The following ASB3 variants were observed in gnomAD, a reference collection of about 807,000 sequenced individuals.
The protein encoded by ASB3 is ankyrin repeat and SOCS box protein 3.
A neutral mutation model predicts 54.5 loss-of-function variants in ASB3; 41 were observed. The observed-to-expected ratio is 0.75, with a 90% CI of 0.59 to 0.98. The LOEUF is 0.98. Among genes scored for constraint, ASB3 ranks in the 50% least tolerant of loss-of-function variants. The pLI is 0.00. For missense variants in ASB3, 733 were observed against 620.0 expected, an observed-to-expected ratio of 1.18 and a Z score of -1.94; for synonymous variants, 266 against 221.2, an observed-to-expected ratio of 1.20 and a Z score of -1.80.
At chr2:53,747,695 A>G (rs1162196674) in intron 3 of ASB3, among the ~76,000 whole-genome samples, 1 of 152,200 alleles carries the variant, frequency 6.6e-6, no homozygotes, top group East Asian at 1.9e-4. Context: ...ACAACAGTGA[A>G]CAAGATGAAT....
chr2:53,763,101 A>AG (rs1371833724), intron 2 of ASB3, among the ~76,000 whole-genome samples: 3 of 152,218 alleles, frequency 2.0e-5, no homozygotes, highest in African/African-American at 4.8e-5. Flanking sequence ...AATAAAAGAC[A>AG]GCAGGTGTGA....
At chr2:53,760,220 T>C (rs917448232) in intron 2 of ASB3, among the ~76,000 whole-genome samples, 1 of 152,194 alleles carries the variant, frequency 6.6e-6, no homozygotes, top group Non-Finnish European at 1.5e-5. Flanking sequence ...ATAAAGACTC[T>C]AAGTATGCTT....
chr2:53,695,628 G>GT (rs1669142130), intron 8 of ASB3, among the ~76,000 whole-genome samples: 1 of 151,522 alleles, frequency 6.6e-6, no homozygotes, highest in Non-Finnish European at 1.5e-5. Flanking sequence ...TAATATAACG[G>GT]TGAGTTTATT....
intron 3 of ASB3, among the ~76,000 whole-genome samples, chr2:53,730,902 G>C (rs1357567374): frequency 6.6e-6 from 1 of 151,994 alleles, no homozygotes; most frequent in African/African-American, 2.4e-5. Context: ...AAATTAGAAA[G>C]GCACATTTGG....
chr2:53,695,688 A>G (rs3770403), intron 8 of ASB3, among the ~76,000 whole-genome samples: 1 of 151,872 alleles, frequency 6.6e-6, no homozygotes, highest in Non-Finnish European at 1.5e-5. Context: ...TTTACTACAG[A>G]GACCATTACA....
intron 7 of ASB3, among the ~76,000 whole-genome samples, chr2:53,706,277 C>T (rs1669763716): frequency 6.6e-6 from 1 of 152,122 alleles, no homozygotes. Context: ...AATAAATATG[C>T]TAATCTGATA....
At chr2:53,741,084 A>G (rs1314778167) in intron 3 of ASB3, among the ~76,000 whole-genome samples, 3 of 152,210 alleles carry the variant, frequency 2.0e-5, no homozygotes, top group African/African-American at 7.2e-5. Context: ...ACCCATACTA[A>G]GGCTTAGAGA....
chr2:53,770,028 C>G (rs1208020573), intron 1 of ASB3, among the ~76,000 whole-genome samples: 3 of 152,182 alleles, frequency 2.0e-5, no homozygotes, highest in African/African-American at 7.2e-5. Flanking sequence ...CCACAGCACA[C>G]AGTAGCTATG....
chr2:53,753,245 C>T (rs188802034), intron 2 of ASB3, among the ~76,000 whole-genome samples: 11 of 152,274 alleles, frequency 7.2e-5, no homozygotes, highest in African/African-American at 2.6e-4. Flanking sequence ...AAGAACTGCA[C>T]ATAAACACTA....
chr2:53,680,985 T>C (rs1429156285), intron 9 of ASB3, among the ~76,000 whole-genome samples: 2 of 152,224 alleles, frequency 1.3e-5, no homozygotes, highest in Non-Finnish European at 2.9e-5. Flanking sequence ...ATGCTAAGTT[T>C]GTCTTTCTGT....
At position 53,729,518 on chromosome 2, in the gene ASB3, T is replaced by A. The variant is rs565548762; in HGVS notation, c.408A>T (p.Ala136=). ...DVLRLLLQHG[A]NVNGSHSMCG... is the part of the protein sequence containing the mutation. ...ACATAGAATGGGATCCATTAACATTTGCTCCGTGTTGAAGCAACAGCCTTA... is the reference window on the plus strand; with the variant it reads ...ACATAGAATGGGATCCATTAACATTAGCTCCGTGTTGAAGCAACAGCCTTA... The change falls in exon 4 of 10, where the codon GCA becomes GCT. Residue 136 remains alanine (A), a synonymous_variant. Transcript: ENST00000263634. 1 of 1,613,952 alleles carries A rather than the reference T, an allele frequency of 6.2e-7. No individual in the cohort carries two copies. The highest frequency in any genetic ancestry group is 1.3e-5 in the African/African-American group (1 of 75,038).
intron 2 of ASB3, among the ~76,000 whole-genome samples, chr2:53,751,343 T>A (rs1249177101): frequency 6.6e-6 from 1 of 152,214 alleles, no homozygotes; most frequent in Admixed American, 6.5e-5. Context: ...GGAAATGGTC[T>A]GATCTCTTAC....
intron 5 of ASB3, among the ~76,000 whole-genome samples, chr2:53,727,370 A>T (rs1460643809): frequency 6.6e-6 from 1 of 152,154 alleles, no homozygotes; most frequent in Non-Finnish European, 1.5e-5. Flanking sequence ...AAACTGGATT[A>T]TTGGGCAGGC....
chr2:53,717,493 A>G (rs965348841), intron 5 of ASB3, among the ~76,000 whole-genome samples: 1 of 152,184 alleles, frequency 6.6e-6, no homozygotes, highest in Non-Finnish European at 1.5e-5. Flanking sequence ...CATAAATGTG[A>G]AAGGGAAAAA....
chr2:53,672,817 T>G (rs954234155), intron 9 of ASB3, among the ~76,000 whole-genome samples: 1 of 152,220 alleles, frequency 6.6e-6, no homozygotes, highest in Non-Finnish European at 1.5e-5. Context: ...CAGGTTTTTT[T>G]GCTTTCAGTT....
chr2:53,687,869 A>C (rs1668712315), intron 9 of ASB3, among the ~76,000 whole-genome samples: 1 of 152,164 alleles, frequency 6.6e-6, no homozygotes, highest in African/African-American at 2.4e-5. Context: ...AGGCTGGAGT[A>C]CAATGGCATG....
chr2:53,706,124 T>C (rs557356872), intron 7 of ASB3, among the ~76,000 whole-genome samples: 3 of 152,326 alleles, frequency 2.0e-5, no homozygotes. Flanking sequence ...CTATCCCTAT[T>C]TTAAAGATAA....
At chr2:53,696,514 T>C (rs897250057) in intron 8 of ASB3, among the ~76,000 whole-genome samples, 2 of 152,076 alleles carry the variant, frequency 1.3e-5, no homozygotes, top group African/African-American at 4.8e-5. Flanking sequence ...GAAAGGAAAA[T>C]AGGCAATGTT....
chr2:53,774,020 C>T (rs1309780793), intron 1 of ASB3: 14 of 1,118,704 alleles, frequency 1.3e-5, no homozygotes, highest in Non-Finnish European at 1.1e-5. Flanking sequence ...GGGCAACAGA[C>T]AAGACTTCAT....
Sources: allele counts gnomAD v4.1 joint callset (sites outside exome capture counted in the v4.1 genomes callset), GRCh38; gene constraint gnomAD v4.1.1; transcripts MANE v1.5; gene names NCBI Gene and HGNC (gene_info 2026-07-23, HGNC 2026-07-21).